The following SPAG16 variants were observed in gnomAD, a reference collection of about 807,000 sequenced individuals.
SPAG16 encodes the protein sperm-associated antigen 16 protein.
SPAG16 carries 86 observed loss-of-function variants against 80.4 expected under a neutral mutation model. The observed-to-expected ratio is 1.07, with a 90% confidence interval of 0.90 to 1.28. The LOEUF (loss-of-function observed/expected upper bound fraction) is 1.28. Ranked by LOEUF, SPAG16 falls within the 50% of genes most tolerant of loss-of-function variation. The pLI, the probability that SPAG16 is intolerant of heterozygous loss-of-function variation, is 0.00. For synonymous variants in SPAG16, 294 were observed against 265.9 expected (o/e 1.11, Z -1.03); for missense variants, 870 against 765.3 (o/e 1.14, Z -1.61).
At chr2:214,030,812 G>A (rs1347097142) in intron 13 of SPAG16, among the ~76,000 whole-genome samples, 1 of 152,156 alleles carries the variant, frequency 6.6e-6, no homozygotes, top group Non-Finnish European at 1.5e-5. Flanking sequence ...CCACCTCAAG[G>A]GTTTTCATCT....
At chr2:213,950,748 G>A (rs1220702724) in intron 12 of SPAG16, among the ~76,000 whole-genome samples, 5 of 117,336 alleles carry the variant, frequency 4.3e-5, no homozygotes, top group Non-Finnish European at 6.5e-5. Flanking sequence ...TTGCTCTGTC[G>A]CCCAGACTGG....
intron 15 of SPAG16, among the ~76,000 whole-genome samples, chr2:214,192,789 A>G (rs1037379992): frequency 6.6e-6 from 1 of 152,128 alleles, no homozygotes; most frequent in Non-Finnish European, 1.5e-5. Flanking sequence ...GTGCCCATAT[A>G]TGATTATTAC....
rs538754650 is a variant in SPAG16, at chr2:214,035,385, T to C, written c.1527+21308T>C. Among the ~76,000 whole-genome samples, 6 of 152,282 alleles carry C rather than the reference T, an allele frequency of 3.9e-5. No individual in the cohort carries two copies. In the South Asian group the frequency reaches 1.2e-3, roughly 32 times the overall value. On this transcript the variant is annotated intron_variant, in intron 13 of 15. Transcript: ENST00000331683. ...GAGCCTGTCTGCTTTCTGCTGCCAT[T>C]CATGGCGCCCAGGCCATTCATGCCA...
rs1006235940 is a variant in SPAG16 at position 213,842,206 on chromosome 2, A to G, written c.1071-20279A>G. 9.2e-5 allele frequency among the ~76,000 whole-genome samples: 14 copies of G among 152,306 alleles called. No individual in the cohort carries two copies. The South Asian group carries it at 1.0e-3, about 11-fold the overall frequency. ...ATCTAGATCTTTCACATAGAGAAGC[A>G]TCTACTGGATTAGTAATACAGGCAA... is the stretch of plus-strand genomic sequence containing the variant. On this transcript the variant is annotated intron_variant, in intron 10 of 15. Transcript: ENST00000331683.
At chr2:213,556,143 G>A (rs2059415818) in intron 10 of SPAG16, among the ~76,000 whole-genome samples, 2 of 151,582 alleles carry the variant, frequency 1.3e-5, no homozygotes, top group Non-Finnish European at 2.9e-5. Flanking sequence ...AATCAGTAAA[G>A]AAGACAGCTA....
intron 15 of SPAG16, among the ~76,000 whole-genome samples, chr2:214,270,716 T>C (rs1484804921): frequency 6.6e-6 from 1 of 152,148 alleles, no homozygotes; most frequent in Non-Finnish European, 1.5e-5. Context: ...AGTCCCGTGG[T>C]TGTCTCCATA....
chr2:214,294,087 A>G (rs1242881218), intron 15 of SPAG16, among the ~76,000 whole-genome samples: 1 of 152,236 alleles, frequency 6.6e-6, no homozygotes, highest in Admixed American at 6.5e-5. Flanking sequence ...CTGAGCTCTC[A>G]GAATGGTGCC....
intron 15 of SPAG16, among the ~76,000 whole-genome samples, chr2:214,178,549 A>C (rs2057206145): frequency 6.6e-6 from 1 of 151,226 alleles, no homozygotes; most frequent in Admixed American, 6.6e-5. Flanking sequence ...AGAGTGAATC[A>C]AAAAGTGATT....
At chr2:213,970,934 C>G (rs2045012511) in intron 12 of SPAG16, among the ~76,000 whole-genome samples, 1 of 152,106 alleles carries the variant, frequency 6.6e-6, no homozygotes, top group Admixed American at 6.6e-5. Flanking sequence ...CTACACTAAT[C>G]ATATTAATGT....
At chr2:214,378,428 T>C (rs1229748907) in intron 15 of SPAG16, among the ~76,000 whole-genome samples, 1 of 152,208 alleles carries the variant, frequency 6.6e-6, no homozygotes, top group African/African-American at 2.4e-5. Context: ...GTGATGCCAC[T>C]TAATTTCTGT....
intron 12 of SPAG16, among the ~76,000 whole-genome samples, chr2:213,946,903 C>G (rs146674523): frequency 3.9e-4 from 59 of 152,296 alleles, no homozygotes; most frequent in African/African-American, 1.4e-3. Flanking sequence ...TTCTAGATCA[C>G]TGTCATTGTC....
At chr2:214,115,337 A>G (rs950317469) in intron 14 of SPAG16, among the ~76,000 whole-genome samples, 1 of 152,228 alleles carries the variant, frequency 6.6e-6, no homozygotes, top group African/African-American at 2.4e-5. Flanking sequence ...TATGTGGTAC[A>G]TATATAGAAG....
At chr2:214,209,188 C>T (rs556273530) in intron 15 of SPAG16, among the ~76,000 whole-genome samples, 7 of 152,140 alleles carry the variant, frequency 4.6e-5, no homozygotes, top group South Asian at 2.1e-4. Context: ...ATAAGGGTCC[C>T]TTCACCCACT....
At chr2:214,073,527 G>A (rs977443626) in intron 13 of SPAG16, among the ~76,000 whole-genome samples, 1 of 151,966 alleles carries the variant, frequency 6.6e-6, no homozygotes, top group Non-Finnish European at 1.5e-5. Flanking sequence ...GAGCCACCAC[G>A]CCCGGCCGGA....
At chr2:213,566,424 A>T (rs1317717876) in intron 10 of SPAG16, among the ~76,000 whole-genome samples, 4 of 152,156 alleles carry the variant, frequency 2.6e-5, no homozygotes, top group Non-Finnish European at 5.9e-5. Flanking sequence ...CACCCCCTTC[A>T]ATTTTTTTAT....
At chr2:213,353,330 C>T (rs181143553) in intron 7 of SPAG16, among the ~76,000 whole-genome samples, 118 of 152,234 alleles carry the variant, frequency 7.8e-4, no homozygotes, top group African/African-American at 2.7e-3. Context: ...CCATGTACCC[C>T]ACTGAGGTGG....
At chr2:213,661,955 T>C (rs752695819) in intron 10 of SPAG16, among the ~76,000 whole-genome samples, 1 of 152,184 alleles carries the variant, frequency 6.6e-6, no homozygotes, top group Non-Finnish European at 1.5e-5. Context: ...ACAGAATGTT[T>C]ATGATACTTA....
intron 10 of SPAG16, among the ~76,000 whole-genome samples, chr2:213,678,067 C>A (rs1340935630): frequency 4.7e-5 from 7 of 150,278 alleles, no homozygotes; most frequent in African/African-American, 9.8e-5. Flanking sequence ...TCTTTGAAAC[C>A]AAGGAGAACA....
chr2:214,016,869 AAAGAG>A (rs928175475), intron 13 of SPAG16, among the ~76,000 whole-genome samples: 3 of 152,224 alleles, frequency 2.0e-5, no homozygotes, highest in African/African-American at 7.2e-5. Flanking sequence ...GGTCAATAAG[AAAGAG>A]AAATGTAATT....
Sources: gnomAD v4.1 joint callset for allele counts (sites outside exome capture counted in the v4.1 genomes callset) on GRCh38, gnomAD v4.1.1 for gene constraint, MANE v1.5 for transcripts, NCBI Gene and HGNC (gene_info 2026-07-23, HGNC 2026-07-21) for gene names.